Variants in CALB2 observed in about 807,000 individuals in gnomAD.
The protein encoded by CALB2 is calbindin 2.
CALB2 carries 34 observed loss-of-function variants against 45.9 expected under a neutral mutation model. The ratio of observed to expected loss-of-function variants is 0.74; its 90% CI spans 0.56 to 0.99. CALB2 has a LOEUF of 0.99. Ranked by LOEUF, CALB2 falls within the 50% of genes least tolerant of loss-of-function variation. The pLI, the probability that CALB2 is intolerant of heterozygous loss-of-function variation, is 0.00. For missense variants in CALB2, 344 were observed against 339.3 expected, an observed-to-expected ratio of 1.01 and a Z score of -0.11; for synonymous variants, 142 against 129.6, an observed-to-expected ratio of 1.10 and a Z score of -0.65.
intron 4 of CALB2, among the ~76,000 whole-genome samples, 196 bp downstream of exon 4, chr16:71,377,943 C>G (rs2042437351): frequency 1.3e-5 from 2 of 152,198 alleles, no homozygotes; most frequent in Admixed American, 1.3e-4. Context: ...AGAAAGGGGC[C>G]AGGAGTGGTG....
At chr16:71,387,672 A>G (rs35886140) in intron 10 of CALB2, among the ~76,000 whole-genome samples, 25,970 of 152,106 alleles carry the variant, frequency 0.17, 2,829 homozygotes, top group East Asian at 0.33. Context: ...ATAGGAAGTA[A>G]GCAGCCCCTC....
chr16:71,371,072 A>G (rs1474024424), intron 1 of CALB2, among the ~76,000 whole-genome samples: 1 of 152,220 alleles, frequency 6.6e-6, no homozygotes, highest in African/African-American at 2.4e-5. Context: ...TGCACTCATA[A>G]TGACTAGAGG....
chr16:71,382,729 A>T lies in CALB2; in HGVS notation c.353A>T (p.Lys118Met), dbSNP rs1209108335. ...SSAEFMEAWR[K>M]YDTDRSGYIE... ...TTCCTGTTGTTGCAGGCTTGGCGGA[A>T]GTACGACACAGACAGGAGTGGCTAC... Residue 118 changes from lysine to methionine, a missense_variant, in exon 5 of 11, where the codon AAG becomes ATG. By Grantham distance (95) the Lys-to-Met change is moderately conservative. Transcript: ENST00000302628. 5 of 1,611,834 alleles carry T rather than the reference A, an allele frequency of 3.1e-6. No homozygotes were observed. Among genetic ancestry groups the T allele is most frequent in the Non-Finnish European group, 4.2e-6 (5 of 1,179,112 alleles).
At chr16:71,379,351 T>C (rs543332240) in intron 4 of CALB2, among the ~76,000 whole-genome samples, 1 of 152,242 alleles carries the variant, frequency 6.6e-6, no homozygotes, top group African/African-American at 2.4e-5. Flanking sequence ...ATAATTTCCT[T>C]GAGATCTTCA....
chr16:71,362,207 T>A (rs1322889697), intron 1 of CALB2, among the ~76,000 whole-genome samples: 4 of 152,372 alleles, frequency 2.6e-5, no homozygotes, highest in Middle Eastern at 6.8e-3. Context: ...GATGCCCAGT[T>A]CAGAGTTCAC....
intron 9 of CALB2, chr16:71,385,295 G>A (rs1048653318): frequency 4.5e-5 from 18 of 401,552 alleles, no homozygotes; most frequent in African/African-American, 1.0e-4. Flanking sequence ...AATAGCCCCC[G>A]GACTCAGGGA....
chr16:71,381,466 C>T (rs2042490766), intron 4 of CALB2, among the ~76,000 whole-genome samples: 1 of 150,190 alleles, frequency 6.7e-6, no homozygotes, highest in African/African-American at 2.5e-5. Context: ...ATGAAAATTA[C>T]ATAACATTGT....
intron 3 of CALB2, 75 bp downstream of exon 3, chr16:71,374,909 T>G (rs1336135567): frequency 2.5e-5 from 26 of 1,027,614 alleles, no homozygotes; most frequent in Non-Finnish European, 3.8e-5. Context: ...GGCATGAGCA[T>G]CCTGCTGAGG....
intron 4 of CALB2, among the ~76,000 whole-genome samples, chr16:71,378,824 ATGT>A (rs1433009154): frequency 6.6e-6 from 1 of 152,190 alleles, no homozygotes; most frequent in African/African-American, 2.4e-5. Context: ...CTCAATAATA[ATGT>A]TGTGTCTCTC....
rs2042616746 is a variant in CALB2 at position 71,389,848 on chromosome 16, A to G, written c.799A>G (p.Ser267Gly). 2 of 1,613,280 alleles carry G rather than the reference A, an allele frequency of 1.2e-6. No individual in the cohort carries two copies. Among genetic ancestry groups the G allele is most frequent in the East Asian group, 2.2e-5 (1 of 44,882 alleles). Reference sequence around the variant, plus strand: ...CAAGGACCTGGAGATTGTGCTCTGCAGCGAGCCCCCCATGTAAAGTGGGGA... The same window carrying G: ...CAAGGACCTGGAGATTGTGCTCTGCGGCGAGCCCCCCATGTAAAGTGGGGA... The part of the protein sequence containing the change: ...YRKDLEIVLC[S>G]EPPM The change falls in exon 11 of 11, where the codon AGC (serine) becomes GGC (glycine). Residue 267 changes from serine (S) to glycine (G), a missense_variant. Ser to Gly is a moderately conservative substitution (Grantham distance 56). Transcript: ENST00000302628.
chr16:71,382,031 GGA>G (rs1491532108), intron 4 of CALB2, among the ~76,000 whole-genome samples: 4 of 133,658 alleles, frequency 3.0e-5, no homozygotes, highest in Non-Finnish European at 6.5e-5. Context: ...AGGAGGAGGA[GGA>G]GGAGGAGGAG....
intron 4 of CALB2, among the ~76,000 whole-genome samples, chr16:71,378,831 G>C (rs1159266456): frequency 2.6e-5 from 4 of 152,142 alleles, no homozygotes; most frequent in Non-Finnish European, 4.4e-5. Context: ...ATAATGTTGT[G>C]TCTCTCGAAG....
intron 1 of CALB2, among the ~76,000 whole-genome samples, chr16:71,364,116 G>A (rs755335428): frequency 2.3e-4 from 35 of 152,242 alleles, no homozygotes; most frequent in Non-Finnish European, 2.2e-4. Context: ...GCAGCTCTAC[G>A]CTGGGTACCT....
At chr16:71,362,757 C>T (rs1024416998) in intron 1 of CALB2, among the ~76,000 whole-genome samples, 1 of 140,682 alleles carries the variant, frequency 7.1e-6, no homozygotes, top group Non-Finnish European at 1.6e-5. Context: ...TGAATAATAG[C>T]GGCTCTCTCT....
rs186556992 is a variant in CALB2 at position 71,362,270 on chromosome 16, C to T, written c.94+3384C>T. ...GACAGGCCACCGGGCTCCTATTTTA[C>T]TGACCATCTGCGAGCAGCAAAGTTG... is the stretch of plus-strand genomic sequence containing the variant. On this transcript the variant is annotated intron_variant, in intron 1 of 10. Coordinates refer to ENST00000302628, the MANE Select transcript of CALB2 (RefSeq NM_001740.5). 2.3e-3 allele frequency among the ~76,000 whole-genome samples: 345 copies of T among 152,296 alleles called. 2 individuals carry two copies. Among genetic ancestry groups the T allele is most frequent in the Non-Finnish European group, 3.2e-3 (221 of 68,032 alleles).
At chr16:71,385,271 G>A in intron 9 of CALB2, 1 of 365,704 alleles carries the variant, frequency 2.7e-6, no homozygotes, top group East Asian at 4.6e-5. Flanking sequence ...AACCAGTGTT[G>A]GAGGTAAACT....
chr16:71,375,248 C>T (rs1303747158), intron 3 of CALB2, among the ~76,000 whole-genome samples: 1 of 152,202 alleles, frequency 6.6e-6, no homozygotes, highest in Non-Finnish European at 1.5e-5. Flanking sequence ...CAGTAATTTA[C>T]ATATATATAC....
chr16:71,361,408 C>T (rs1459592251), intron 1 of CALB2, among the ~76,000 whole-genome samples: 1 of 152,230 alleles, frequency 6.6e-6, no homozygotes, highest in Non-Finnish European at 1.5e-5. Flanking sequence ...ACCGCAGTGC[C>T]TGAGGCACTC....
intron 3 of CALB2, 41 bp downstream of exon 3, chr16:71,374,875 C>A (rs779129616): frequency 2.2e-6 from 3 of 1,374,542 alleles, no homozygotes; most frequent in Admixed American, 1.7e-5. Flanking sequence ...GTGGGAGGGG[C>A]CCTGGGTCCC....
Sources: gnomAD v4.1 joint callset for allele counts (sites outside exome capture counted in the v4.1 genomes callset) on GRCh38, gnomAD v4.1.1 for gene constraint, MANE v1.5 for transcripts, NCBI Gene and HGNC (gene_info 2026-07-23, HGNC 2026-07-21) for gene names.